TCF4: variants seen among roughly 807,000 people sequenced by gnomAD.
TCF4 encodes the protein SL3-3 enhancer factor 2.
TCF4 carries 3 observed loss-of-function variants against 82.1 expected under a neutral mutation model. The ratio of observed to expected loss-of-function variants is 0.04; its 90% CI spans 0.02 to 0.09. The LOEUF is 0.09. Among genes scored for constraint, TCF4 ranks in the 10% least tolerant of loss-of-function variants. TCF4 has a pLI of 1.00. For synonymous variants in TCF4, 276 were observed against 309.6 expected (o/e 0.89, Z 1.14); for missense variants, 518 against 852.7 (o/e 0.61, Z 4.89).
intron 15 of TCF4, among the ~76,000 whole-genome samples, chr18:55,245,357 T>C (rs1408514171): frequency 6.6e-6 from 1 of 152,256 alleles, no homozygotes; most frequent in Non-Finnish European, 1.5e-5. Flanking sequence ...GCCAAGTTGC[T>C]CCAGTATTTT....
chr18:55,597,061 C>T (rs1188150309), intron 2 of TCF4, among the ~76,000 whole-genome samples: 1 of 152,156 alleles, frequency 6.6e-6, no homozygotes, highest in Non-Finnish European at 1.5e-5. Context: ...CTCTCTCTCT[C>T]CTGCTGTGCC....
intron 9 of TCF4, among the ~76,000 whole-genome samples, chr18:55,277,465 A>G (rs1601164945): frequency 6.6e-6 from 1 of 152,192 alleles, no homozygotes; most frequent in East Asian, 1.9e-4. Context: ...ATAAAAATAC[A>G]TATTTTACAT....
intron 3 of TCF4, among the ~76,000 whole-genome samples, chr18:55,567,566 A>C (rs1421277796): frequency 6.6e-6 from 1 of 152,156 alleles, no homozygotes; most frequent in Non-Finnish European, 1.5e-5. Flanking sequence ...TACAAAAATT[A>C]GCTGGGTGTG....
chr18:55,389,322 G>T (rs1417335658), intron 6 of TCF4, among the ~76,000 whole-genome samples: 7 of 152,134 alleles, frequency 4.6e-5, no homozygotes, highest in Non-Finnish European at 1.0e-4. Context: ...GCCCCTGTTA[G>T]ACACTGCAGA....
chr18:55,530,886 C>A (rs2097055440), intron 3 of TCF4, among the ~76,000 whole-genome samples: 1 of 152,032 alleles, frequency 6.6e-6, no homozygotes, highest in South Asian at 2.1e-4. Context: ...CTCTGGTACA[C>A]CTTTCTGAAT....
At chr18:55,311,390 C>A (rs1447439885) in intron 8 of TCF4, among the ~76,000 whole-genome samples, 1 of 152,166 alleles carries the variant, frequency 6.6e-6, no homozygotes, top group Non-Finnish European at 1.5e-5. Context: ...TGGCCTCCAG[C>A]CCTAGATGCC....
chr18:55,494,598 G>C (rs1442073961), intron 3 of TCF4, among the ~76,000 whole-genome samples: 1 of 151,946 alleles, frequency 6.6e-6, no homozygotes, highest in Non-Finnish European at 1.5e-5. Context: ...CAGGATAAAG[G>C]ACAATAATAC....
chr18:55,317,047 T>C (rs1016640201), intron 8 of TCF4, among the ~76,000 whole-genome samples: 5 of 152,106 alleles, frequency 3.3e-5, no homozygotes, highest in African/African-American at 1.2e-4. Context: ...AGGCAAGATG[T>C]AGCCACAATG....
At chr18:55,411,486 T>C (rs536249432) in intron 5 of TCF4, among the ~76,000 whole-genome samples, 1 of 152,312 alleles carries the variant, frequency 6.6e-6, no homozygotes, top group Admixed American at 6.5e-5. Context: ...GAAAAAAAGC[T>C]CATCTTGCAA....
chr18:55,422,146 A>C (rs897167343), intron 5 of TCF4: 2 of 916,568 alleles, frequency 2.2e-6, no homozygotes, highest in Non-Finnish European at 2.6e-6. Context: ...AAAAAAAAAA[A>C]AACCCACCCT....
upstream of TCF4, chr18:55,588,756 A>T (rs2097675982): frequency 8.1e-7 from 1 of 1,237,694 alleles, no homozygotes; most frequent in African/African-American, 1.5e-5. Flanking sequence ...TCGTTTCGGT[A>T]GTTTTGCGTT....
intron 8 of TCF4, among the ~76,000 whole-genome samples, chr18:55,347,524 T>C (rs1261223310): frequency 6.6e-6 from 1 of 152,164 alleles, no homozygotes; most frequent in Non-Finnish European, 1.5e-5. Flanking sequence ...CACACATTCG[T>C]GGATCCTGCC....
chr18:55,613,203 C>T (rs1371656154), intron 2 of TCF4, among the ~76,000 whole-genome samples: 4 of 151,980 alleles, frequency 2.6e-5, no homozygotes, highest in Admixed American at 2.0e-4. Context: ...AGAAAATGCA[C>T]ATGTCACCCC....
chr18:55,403,620 C>A (rs775167509), intron 5 of TCF4, 102 bp from the exon 6 acceptor site: 19 of 1,610,172 alleles, frequency 1.2e-5, no homozygotes, highest in Non-Finnish European at 1.6e-5. Context: ...TGTTTACATA[C>A]GTAAAGTAGG....
At chr18:55,302,303 A>G (rs2068574697) in intron 8 of TCF4, 1 of 932,828 alleles carries the variant, frequency 1.1e-6, no homozygotes, top group Non-Finnish European at 1.6e-6. Flanking sequence ...GGGAAGACAG[A>G]AGTAGTGCAA....
chr18:55,295,660 A>C (rs2066313320), intron 8 of TCF4, among the ~76,000 whole-genome samples: 1 of 152,140 alleles, frequency 6.6e-6, no homozygotes, highest in Non-Finnish European at 1.5e-5. Flanking sequence ...TCAACTCCTT[A>C]ATAGGGCTCA....
At position 55,269,916 on chromosome 18, in the gene TCF4, C is replaced by T. The variant is rs1304005322; in HGVS notation, c.837G>A (p.Pro279=). ...SSADINSSLP[P]MSTFHRSGTN... is the part of the protein sequence containing the mutation. ...TACCACTACGATGGAAAGTGGACAT[C>T]GGAGGAAGACTGGAATTGATGTCTG... The change falls in exon 11 of 20, where the codon CCG becomes CCA. Residue 279 remains proline (P), a synonymous_variant. Transcript: ENST00000354452. 2.5e-6 allele frequency: 4 copies of T among 1,613,164 alleles called. No individual in the cohort carries two copies. The highest frequency in any genetic ancestry group is 3.4e-6 in the Non-Finnish European group (4 of 1,179,440).
chr18:55,513,274 A>C (rs1200385433), intron 3 of TCF4, among the ~76,000 whole-genome samples: 1 of 152,162 alleles, frequency 6.6e-6, no homozygotes, highest in Non-Finnish European at 1.5e-5. Context: ...CTCACTGGAC[A>C]AAACCTCTCT....
intron 3 of TCF4, among the ~76,000 whole-genome samples, chr18:55,505,564 GAA>G (rs2096746515): frequency 6.6e-6 from 1 of 151,924 alleles, no homozygotes; most frequent in East Asian, 1.9e-4. Flanking sequence ...CAGCACTTTG[GAA>G]GGCCGAGGCG....
Sources: gnomAD v4.1 joint callset for allele counts (sites outside exome capture counted in the v4.1 genomes callset) on GRCh38, gnomAD v4.1.1 for gene constraint, MANE v1.5 for transcripts, NCBI Gene and HGNC (gene_info 2026-07-23, HGNC 2026-07-21) for gene names.